NEBL: variants seen among roughly 807,000 people sequenced by gnomAD.
NEBL encodes LIM and SH3 protein 2.
Under a neutral mutation model 140.2 loss-of-function variants are expected in NEBL, and 122 were observed. The ratio of observed to expected loss-of-function variants is 0.87; its 90% CI spans 0.75 to 1.01. The LOEUF is 1.01. NEBL is among the 50% of genes least tolerant of loss of function. The probability of loss-of-function intolerance (pLI) is 0.00; values close to 1 mark genes in which losing one functional copy is unlikely to be tolerated. For missense variants in NEBL, 1,365 were observed against 1,231.3 expected (o/e 1.11, Z -1.62); for synonymous variants, 436 against 398.9 (o/e 1.09, Z -1.11).
chr10:20,889,877 G>C lies in NEBL; in HGVS notation c.226C>G (p.His76Asp). The change falls in exon 3 of 28, where the codon CAT (histidine) becomes GAT (aspartate). Residue 76 changes from histidine to aspartate, a missense_variant. By Grantham distance (81) the His-to-Asp change is moderately conservative. Transcript: ENST00000377122. ...ATAAAAGCACCGATATTTTTTACAT[G>C]GTTTAGCATAGGACTGTCAGTCACA... ...TFVTDSPMLN[H>D]VKNIGAFISE... 6.2e-7 allele frequency: 1 copy of C among 1,612,530 alleles called. No individual in the cohort carries two copies. Among genetic ancestry groups the C allele is most frequent in the Admixed American group, 1.7e-5 (1 of 60,004 alleles).
intron 2 of NEBL, among the ~76,000 whole-genome samples, chr10:21,140,959 T>TA (rs747950942): frequency 4.9e-4 from 62 of 127,750 alleles, no homozygotes; most frequent in East Asian, 9.2e-4. Flanking sequence ...AAAGTAAAAT[T>TA]AAAAAAAAAA....
At chr10:20,872,385 G>A (rs1388367414) in intron 5 of NEBL, among the ~76,000 whole-genome samples, 1 of 152,074 alleles carries the variant, frequency 6.6e-6, no homozygotes, top group African/African-American at 2.4e-5. Flanking sequence ...CACTCCTTGG[G>A]AATATTCCAT....
intron 1 of NEBL, among the ~76,000 whole-genome samples, chr10:21,272,961 G>A (rs769748534): frequency 1.1e-4 from 17 of 152,132 alleles, no homozygotes; most frequent in Admixed American, 6.5e-5. Flanking sequence ...GTACAGAATA[G>A]ACAAGGCTCC....
intron 7 of NEBL, 109 bp from the exon 8 acceptor site, chr10:20,859,935 A>C: frequency 1.6e-6 from 1 of 620,220 alleles, no homozygotes; most frequent in East Asian, 2.9e-5. Flanking sequence ...TGCCAAGTGT[A>C]AATTCCTGGT....
rs1385040910 is a variant in NEBL, at chr10:20,784,484, A to T, written c.*1263T>A. 6.6e-6 allele frequency: 1 copy of T among 152,160 alleles called. No homozygotes were observed. The highest frequency in any genetic ancestry group is 1.5e-5 in the Non-Finnish European group (1 of 68,020). 9.4% of individuals were successfully genotyped at this position (152,160 alleles called of 1,614,324 possible). A position where few individuals can be genotyped will look rare whatever the true frequency, so the allele number is the denominator to read the frequency against. ...TTCCTGTTTCATTCCCTTAAAAATG[A>T]TTTAGAAAATAAAAGCAAAAAAAAA... On this transcript the variant is annotated 3_prime_UTR_variant, in exon 28 of 28. Coordinates refer to ENST00000377122, the MANE Select transcript of NEBL (RefSeq NM_006393.3).
At chr10:21,265,609 G>A (rs2132284679) in intron 1 of NEBL, among the ~76,000 whole-genome samples, 1 of 152,308 alleles carries the variant, frequency 6.6e-6, no homozygotes, top group African/African-American at 2.4e-5. Context: ...AACAGGAAAG[G>A]GAAGAAAGCC....
In NEBL at chr10:21,046,365, A is replaced by C. The variant is rs75106452; in HGVS notation, c.165-26164T>G. Among the ~76,000 whole-genome samples, 1,304 of 152,326 alleles carry C rather than the reference A, an allele frequency of 8.6e-3. 18 individuals carry two copies. Among genetic ancestry groups the C allele is most frequent in the African/African-American group, 0.029 (1,222 of 41,572 alleles). On this transcript the variant is annotated intron_variant, in intron 2 of 6. Transcript: ENST00000417816. ...TATACTTGAAAATTGCTAGGAAAAT[A>C]GATTTTGTAGTGTTATACGAGGTAA...
chr10:21,007,177 G>T (rs1178572913), intron 3 of NEBL, among the ~76,000 whole-genome samples: 1 of 152,090 alleles, frequency 6.6e-6, no homozygotes, highest in Non-Finnish European at 1.5e-5. Context: ...ACACCTCTAA[G>T]TCAGGGGTCA....
intron 3 of NEBL, among the ~76,000 whole-genome samples, chr10:21,226,705 GCA>G (rs1249975232): frequency 6.6e-6 from 1 of 152,216 alleles, no homozygotes; most frequent in Non-Finnish European, 1.5e-5. Flanking sequence ...CCTCCTGCAA[GCA>G]CACAGATTCT....
intron 2 of NEBL, among the ~76,000 whole-genome samples, chr10:21,081,681 G>A (rs1836376179): frequency 6.6e-6 from 1 of 152,140 alleles, no homozygotes; most frequent in African/African-American, 2.4e-5. Context: ...AGCATCCTCG[G>A]AGAAGTGATT....
chr10:20,923,259 G>A (rs1453212597), intron 4 of NEBL, among the ~76,000 whole-genome samples: 1 of 151,930 alleles, frequency 6.6e-6, no homozygotes. Flanking sequence ...GTAGAGATGA[G>A]GTTTTGCCAT....
At chr10:21,223,559 A>T (rs1024933662) in intron 3 of NEBL, among the ~76,000 whole-genome samples, 1 of 152,242 alleles carries the variant, frequency 6.6e-6, no homozygotes, top group African/African-American at 2.4e-5. Context: ...TTTTGTGTAT[A>T]CACCTAGCAG....
intron 2 of NEBL, among the ~76,000 whole-genome samples, chr10:21,048,439 A>G (rs987548643): frequency 7.1e-6 from 1 of 140,252 alleles, no homozygotes; most frequent in Non-Finnish European, 1.5e-5. Flanking sequence ...CTTAGACATA[A>G]TAAATTTCTA....
chr10:21,270,527 C>T (rs1436890789), intron 1 of NEBL, among the ~76,000 whole-genome samples: 1 of 152,054 alleles, frequency 6.6e-6, no homozygotes, highest in Non-Finnish European at 1.5e-5. Flanking sequence ...CCACCACACT[C>T]AGCTAATTTT....
At chr10:20,947,681 TCA>T (rs5783757) in intron 4 of NEBL, among the ~76,000 whole-genome samples, 66,289 of 143,914 alleles carry the variant, frequency 0.46, 15,532 homozygotes, top group Non-Finnish European at 0.54. Flanking sequence ...TACTGAGAAA[TCA>T]CACACACACA....
At position 20,883,195 on chromosome 10, in the gene NEBL, G is replaced by A. The variant is rs545511023; in HGVS notation, c.370-2291C>T. 7.2e-5 allele frequency among the ~76,000 whole-genome samples: 11 copies of A among 152,218 alleles called. No individual in the cohort carries two copies. In the South Asian group the frequency reaches 1.7e-3, roughly 23 times the overall value. ...TGTTAAACATTATTAACACATCCAC[G>A]GACCACAACATTTTTCTTTTGATGG... On this transcript the variant is annotated intron_variant, in intron 4 of 27. Coordinates refer to ENST00000377122, the MANE Select transcript of NEBL (RefSeq NM_006393.3).
chr10:21,115,203 C>T (rs1018883995), intron 2 of NEBL, among the ~76,000 whole-genome samples: 1 of 151,864 alleles, frequency 6.6e-6, no homozygotes, highest in Admixed American at 6.6e-5. Flanking sequence ...CCCTTCCTGG[C>T]CTTTGTGCTA....
chr10:20,824,799 C>T (rs1190759677), intron 18 of NEBL, among the ~76,000 whole-genome samples: 1 of 152,146 alleles, frequency 6.6e-6, no homozygotes. Flanking sequence ...CAAAGGGACT[C>T]TAATCAAAAT....
chr10:21,119,452 A>C (rs200885528), intron 2 of NEBL, among the ~76,000 whole-genome samples: 90 of 118,398 alleles, frequency 7.6e-4, no homozygotes, highest in African/African-American at 2.9e-3. Flanking sequence ...TAGTTATATT[A>C]ATATACTGAA....
Sources: gnomAD v4.1 joint callset for allele counts (sites outside exome capture counted in the v4.1 genomes callset) on GRCh38, gnomAD v4.1.1 for gene constraint, MANE v1.5 for transcripts, NCBI Gene and HGNC (gene_info 2026-07-23, HGNC 2026-07-21) for gene names.